The following NUP153 variants were observed in gnomAD, a reference collection of about 807,000 sequenced individuals.
The protein encoded by NUP153 is nuclear pore complex protein Nup153.
Under a neutral mutation model 134.6 loss-of-function variants are expected in NUP153, and 27 were observed. That is an observed-to-expected ratio of 0.20 (90% CI 0.15 to 0.28). The LOEUF is 0.28. Ranked by LOEUF, NUP153 falls within the 10% of genes least tolerant of loss-of-function variation. NUP153 has a pLI of 1.00. For synonymous variants in NUP153, 640 were observed against 623.5 expected (o/e 1.03, Z -0.40); for missense variants, 1,821 against 1,731.3 (o/e 1.05, Z -0.92).
intron 2 of NUP153, among the ~76,000 whole-genome samples, chr6:17,684,953 C>A (rs1768822337): frequency 6.6e-6 from 1 of 152,008 alleles, no homozygotes; most frequent in Admixed American, 6.6e-5. Context: ...AATAGTAATA[C>A]CAAAGAGCAC....
chr6:17,703,579 A>G (rs1209686965), intron 1 of NUP153, among the ~76,000 whole-genome samples: 1 of 152,120 alleles, frequency 6.6e-6, no homozygotes, highest in Non-Finnish European at 1.5e-5. Flanking sequence ...AGCCTAGGAT[A>G]ATAAACAGCA....
intron 17 of NUP153, among the ~76,000 whole-genome samples, chr6:17,632,421 T>C (rs549097299): frequency 4.6e-5 from 7 of 151,880 alleles, no homozygotes; most frequent in Non-Finnish European, 7.4e-5. Flanking sequence ...ACACAAGAAA[T>C]TTTTTTTCCC....
At position 17,638,732 on chromosome 6, in the gene NUP153, T is replaced by C. The variant is rs534769648; in HGVS notation, c.1847-962A>G. ...GAAGTAAAAAGGGAGCAGGGGGAGG[T>C]TGGCATCATGAATGCAAAGTGTAAC... On this transcript the variant is annotated intron_variant, in intron 15 of 21. Coordinates refer to ENST00000262077, the MANE Select transcript of NUP153 (RefSeq NM_005124.4). The surrounding 1 kb of genome is among the most constrained non-coding windows in gnomAD (Gnocchi z 4.0). Among the ~76,000 whole-genome samples, 1 of 152,134 alleles carries C rather than the reference T, an allele frequency of 6.6e-6. No homozygotes were observed. Among genetic ancestry groups the C allele is most frequent in the East Asian group, 1.9e-4 (1 of 5,192 alleles).
chr6:17,661,513 C>A, intron 11 of NUP153, 140 bp downstream of exon 11: 1 of 704,450 alleles, frequency 1.4e-6, no homozygotes, highest in Non-Finnish European at 2.1e-6. Context: ...TTTCAGCATG[C>A]ATTTTGAAAG....
intron 5 of NUP153, among the ~76,000 whole-genome samples, chr6:17,673,331 G>A (rs971968037): frequency 1.1e-4 from 16 of 152,050 alleles, no homozygotes; most frequent in African/African-American, 1.9e-4. Flanking sequence ...AAGCTTGGGC[G>A]ACAGCACAAG....
intron 20 of NUP153, among the ~76,000 whole-genome samples, chr6:17,618,740 T>C (rs1168899697): frequency 6.6e-6 from 1 of 151,994 alleles, no homozygotes; most frequent in East Asian, 1.9e-4. Flanking sequence ...TAATTTTTTG[T>C]ATTTCTTAGT....
chr6:17,624,962 T>C (rs745838064), intron 19 of NUP153, 129 bp from the exon 20 acceptor site: 12 of 828,674 alleles, frequency 1.4e-5, no homozygotes, highest in African/African-American at 3.4e-5. Flanking sequence ...CCAAATTCCA[T>C]CAAGACAAGT....
At chr6:17,699,718 C>G (rs373468109) in intron 1 of NUP153, among the ~76,000 whole-genome samples, 1 of 151,788 alleles carries the variant, frequency 6.6e-6, no homozygotes, top group South Asian at 2.1e-4. Flanking sequence ...ACCTGTAACC[C>G]CAGTTACTCA....
intron 2 of NUP153, among the ~76,000 whole-genome samples, chr6:17,683,475 A>G (rs1040076909): frequency 2.0e-5 from 3 of 152,334 alleles, no homozygotes; most frequent in Non-Finnish European, 4.4e-5. Flanking sequence ...TTGGGTGACC[A>G]AATGCATTGT....
At chr6:17,694,535 T>C (rs1769509829) in intron 1 of NUP153, among the ~76,000 whole-genome samples, 1 of 151,754 alleles carries the variant, frequency 6.6e-6, no homozygotes, top group Admixed American at 6.6e-5. Context: ...GTGATGCCTG[T>C]AATCCTAGCT....
Position 17,706,864 on chromosome 6 carries a change from C to T in NUP153, c.-477G>A, listed in dbSNP as rs2150259127. 3 of 168,964 alleles carry T rather than the reference C, an allele frequency of 1.8e-5. No individual in the cohort carries two copies. In the South Asian group the frequency reaches 3.5e-4, roughly 20 times the overall value. The allele number at this position is 168,964 out of a possible 1,614,324, so 10.5% of individuals were successfully genotyped here. ...GCCGTCGTCGTCGTCGTCCCTGCAG[C>T]CTCCGCCGCCGTTGCGCCTATTACC... On this transcript the variant is annotated 5_prime_UTR_variant, in exon 1 of 22. Transcript: ENST00000262077. This position sits in a 1 kb window ranked among gnomAD's most constrained non-coding sequence, Gnocchi z 5.9.
Position 17,669,651 on chromosome 6 carries a change from G to A in NUP153, c.853-105C>T, listed in dbSNP as rs896402445. On this transcript the variant is annotated intron_variant, in intron 5 of 21. Transcript: ENST00000262077. ...TAGAATGGATGTCCAAAGTAAAACAGGATTTAATGCATTAACAGCAATTTA... is the reference window on the plus strand; with the variant it reads ...TAGAATGGATGTCCAAAGTAAAACAAGATTTAATGCATTAACAGCAATTTA... The A allele has an allele frequency of 6.4e-6, 5 of 776,140 alleles. No individual in the cohort carries two copies. In the Admixed American group the frequency reaches 1.1e-4, roughly 17 times the overall value. 48.1% of individuals were successfully genotyped at this position (776,140 alleles called of 1,614,324 possible). A position where few individuals can be genotyped will look rare whatever the true frequency, so the allele number is the denominator to read the frequency against.
Position 17,616,532 on chromosome 6 carries a change from T to C in NUP153, c.4338A>G (p.Thr1446=). ...FPFNQSPAAF[T]VGSNGKNVFS... ...TCAATAAAAAATTCTCTTACCCCACTGTAAATGCTGCTGGAGACTGGTTAA... is the reference window on the plus strand; with the variant it reads ...TCAATAAAAAATTCTCTTACCCCACCGTAAATGCTGCTGGAGACTGGTTAA... The change falls in exon 21 of 22, where the codon ACA becomes ACG. Residue 1446 remains threonine, a synonymous_variant. Transcript: ENST00000262077. The C allele has an allele frequency of 6.2e-7, 1 of 1,605,662 alleles. No individual in the cohort carries two copies. The highest frequency in any genetic ancestry group is 8.5e-7 in the Non-Finnish European group (1 of 1,176,512).
chr6:17,701,472 G>A (rs1366146721), intron 1 of NUP153, among the ~76,000 whole-genome samples: 2 of 151,620 alleles, frequency 1.3e-5, no homozygotes, highest in Admixed American at 1.3e-4. Context: ...GAACAGCTTG[G>A]CCAAGATGGT....
chr6:17,639,083 T>C (rs973153598), intron 15 of NUP153, among the ~76,000 whole-genome samples: 3 of 152,046 alleles, frequency 2.0e-5, no homozygotes, highest in Admixed American at 2.0e-4. Context: ...TCTTTTCCTT[T>C]CTTTTTTTTT....
intron 5 of NUP153, among the ~76,000 whole-genome samples, chr6:17,671,094 A>G (rs1767879524): frequency 6.6e-6 from 1 of 152,112 alleles, no homozygotes; most frequent in Non-Finnish European, 1.5e-5. Context: ...ATGAGCCACC[A>G]CACCTGGTCT....
intron 16 of NUP153, among the ~76,000 whole-genome samples, chr6:17,634,858 C>T (rs1886327): frequency 0.99 from 150,040 of 152,276 alleles, 73,948 homozygotes; most frequent in Middle Eastern, 1. Flanking sequence ...GCAGGGGAGG[C>T]GGGGGTGGTC....
intron 11 of NUP153, 116 bp downstream of exon 11, chr6:17,661,537 G>A: frequency 1.1e-6 from 1 of 874,648 alleles, no homozygotes; most frequent in Non-Finnish European, 1.6e-6. Context: ...TGATTCAATA[G>A]CAGATTAATT....
chr6:17,657,441 G>A (rs1437548367), intron 11 of NUP153, among the ~76,000 whole-genome samples: 1 of 151,570 alleles, frequency 6.6e-6, no homozygotes, highest in African/African-American at 2.4e-5. Context: ...GTGCATGCCT[G>A]TAATCCCAGC....
Sources: allele counts gnomAD v4.1 joint callset (sites outside exome capture counted in the v4.1 genomes callset), GRCh38; gene constraint gnomAD v4.1.1; non-coding constraint Gnocchi (gnomAD v3.1); transcripts MANE v1.5; gene names NCBI Gene and HGNC (gene_info 2026-07-23, HGNC 2026-07-21).